SHB: variants seen among roughly 807,000 people sequenced by gnomAD.
SHB encodes SH2 domain containing adaptor protein B.
A neutral mutation model predicts 52.3 loss-of-function variants in SHB; 20 were observed. The observed-to-expected ratio is 0.38, with a 90% CI of 0.27 to 0.56. The LOEUF (loss-of-function observed/expected upper bound fraction) is 0.56. SHB is among the 20% of genes least tolerant of loss of function. The pLI is 0.71. For synonymous variants in SHB, 397 were observed against 316.5 expected, an observed-to-expected ratio of 1.25 and a Z score of -2.70; for missense variants, 825 against 723.3, an observed-to-expected ratio of 1.14 and a Z score of -1.61.
chr9:37,956,371 G>A (rs1281345273), intron 3 of SHB, among the ~76,000 whole-genome samples: 2 of 152,042 alleles, frequency 1.3e-5, no homozygotes, highest in Admixed American at 1.3e-4. Flanking sequence ...CACTGCCTTG[G>A]GGGAACTCTG....
chr9:38,009,457 G>A (rs1821110722), intron 2 of SHB, among the ~76,000 whole-genome samples: 1 of 152,246 alleles, frequency 6.6e-6, no homozygotes, highest in South Asian at 2.1e-4. Flanking sequence ...AGTGAAGGAG[G>A]CAGAATCTGA....
intron 1 of SHB, among the ~76,000 whole-genome samples, chr9:38,064,946 G>C (rs1821941678): frequency 6.6e-6 from 1 of 152,118 alleles, no homozygotes. Context: ...AACACAGAGA[G>C]ACCTCCTCTC....
At chr9:37,981,102 AAG>A (rs1313496844) in intron 2 of SHB, among the ~76,000 whole-genome samples, 2 of 152,176 alleles carry the variant, frequency 1.3e-5, no homozygotes, top group African/African-American at 4.8e-5. Context: ...AGTCCCTAAC[AAG>A]AGAGGCAGCC....
In SHB at chr9:37,982,517, G is replaced by A. The variant is rs913318680; in HGVS notation, c.839-7680C>T. Among the ~76,000 whole-genome samples, 9 of 152,082 alleles carry A rather than the reference G, an allele frequency of 5.9e-5. No individual in the cohort carries two copies. The East Asian group carries it at 1.7e-3, about 30-fold the overall frequency. ...CAAAAAAAATGGATAAGTAGGCCGG[G>A]TGCAGTGGCTCACACCTGTAATCCC... is the stretch of plus-strand genomic sequence containing the variant. On this transcript the variant is annotated intron_variant, in intron 2 of 5. Transcript: ENST00000377707.
chr9:38,047,520 A>G (rs1422193742), intron 1 of SHB, among the ~76,000 whole-genome samples: 1 of 152,240 alleles, frequency 6.6e-6, no homozygotes, highest in East Asian at 1.9e-4. Context: ...AGAGGGGAAA[A>G]CTGCAATCTG....
chr9:37,939,110 A>G (rs1832408210), intron 5 of SHB, among the ~76,000 whole-genome samples: 1 of 151,998 alleles, frequency 6.6e-6, no homozygotes, highest in South Asian at 2.1e-4. Context: ...TATATCACAC[A>G]CCCAGGGCCA....
At chr9:37,969,003 C>T (rs1820563323) in intron 3 of SHB, among the ~76,000 whole-genome samples, 1 of 152,224 alleles carries the variant, frequency 6.6e-6, no homozygotes, top group Non-Finnish European at 1.5e-5. Flanking sequence ...GCACGAACCT[C>T]CAGAACCCAG....
chr9:37,984,978 C>T (rs1358130255), intron 2 of SHB, among the ~76,000 whole-genome samples: 1 of 152,236 alleles, frequency 6.6e-6, no homozygotes, highest in African/African-American at 2.4e-5. Context: ...CGTCACACGG[C>T]AGGAGGCCCC....
chr9:38,004,465 G>A (rs1029817538), intron 2 of SHB, among the ~76,000 whole-genome samples: 6 of 152,208 alleles, frequency 3.9e-5, no homozygotes, highest in Non-Finnish European at 7.4e-5. Context: ...CACCCTCCCA[G>A]GGCTGTGCTG....
In SHB at chr9:37,974,821, T is replaced by C; in HGVS notation, c.855A>G (p.Glu285=). Residue 285 remains glutamate, a synonymous_variant, in exon 3 of 6, where the codon GAA becomes GAG. Coordinates refer to ENST00000377707, the MANE Select transcript of SHB (RefSeq NM_003028.3). ...QRIMTEFQRQ[E]SVRSQHKGIQ... ...TACCTTTATGCTGGGACCGGACACTTTCCTGCCTCTGAAATTCTGCAGGCA... is the reference window on the plus strand; with the variant it reads ...TACCTTTATGCTGGGACCGGACACTCTCCTGCCTCTGAAATTCTGCAGGCA... The C allele has an allele frequency of 6.2e-7, 1 of 1,614,012 alleles. No homozygotes were observed.
intron 5 of SHB, among the ~76,000 whole-genome samples, chr9:37,948,210 C>T (rs2117890149): frequency 6.6e-6 from 1 of 152,264 alleles, no homozygotes. Flanking sequence ...GGTCACAAGT[C>T]CTGGCCCAGC....
intron 1 of SHB, among the ~76,000 whole-genome samples, chr9:38,034,480 C>T (rs1318033312): frequency 3.9e-5 from 6 of 152,220 alleles, no homozygotes; most frequent in Non-Finnish European, 8.8e-5. Flanking sequence ...AGCTCACTAC[C>T]TCCCCAAATA....
At chr9:38,032,159 G>C (rs554576680) in intron 1 of SHB, among the ~76,000 whole-genome samples, 13 of 152,300 alleles carry the variant, frequency 8.5e-5, no homozygotes, top group African/African-American at 2.9e-4. Context: ...GCTTACAGAG[G>C]GGGCACCGCC....
In SHB at chr9:37,967,944, G is replaced by T. The variant is rs1042374886; in HGVS notation, c.1054+6678C>A. 2.0e-5 allele frequency among the ~76,000 whole-genome samples: 3 copies of T among 152,246 alleles called. No individual in the cohort carries two copies. In the East Asian group the frequency reaches 5.8e-4, roughly 29 times the overall value. On this transcript the variant is annotated intron_variant, in intron 3 of 5. Coordinates refer to ENST00000377707, the MANE Select transcript of SHB (RefSeq NM_003028.3). Reference sequence around the variant, plus strand: ...GGGAGGGACTGAGTAAAGAATGGAAGAACCAGGGGACTCGTTAGAACTGTT... The same window carrying T: ...GGGAGGGACTGAGTAAAGAATGGAATAACCAGGGGACTCGTTAGAACTGTT...
rs537646405 is a variant in SHB, at chr9:37,918,045, A to G, written c.*1776T>C. 2.4e-3 allele frequency among the ~76,000 whole-genome samples: 369 copies of G among 152,306 alleles called. No homozygotes were observed. The highest frequency in any genetic ancestry group is 8.5e-3 in the African/African-American group (354 of 41,568). On this transcript the variant is annotated 3_prime_UTR_variant, in exon 6 of 6. Transcript: ENST00000377707. Reference sequence around the variant, plus strand: ...CCTGTGTCTCTGCATGTGAACAGTGAGCTGGAACCACCTCCAAACAGTCTC... The same window carrying G: ...CCTGTGTCTCTGCATGTGAACAGTGGGCTGGAACCACCTCCAAACAGTCTC...
At chr9:37,961,049 C>T (rs1832687665) in intron 3 of SHB, among the ~76,000 whole-genome samples, 1 of 152,188 alleles carries the variant, frequency 6.6e-6, no homozygotes, top group Non-Finnish European at 1.5e-5. Flanking sequence ...CCTGGAATTA[C>T]TGCCCTTCTG....
intron 1 of SHB, among the ~76,000 whole-genome samples, chr9:38,052,854 G>A (rs1301835446): frequency 6.6e-6 from 1 of 152,180 alleles, no homozygotes; most frequent in Non-Finnish European, 1.5e-5. Context: ...CCTCTCCCGG[G>A]ATGTCCTCCT....
In SHB at chr9:37,974,758, T is replaced by A; in HGVS notation, c.918A>T (p.Gln306His). 2 of 1,614,168 alleles carry A rather than the reference T, an allele frequency of 1.2e-6. No individual in the cohort carries two copies. The highest frequency in any genetic ancestry group is 2.2e-5 in the South Asian group (2 of 91,074). The change falls in exon 3 of 6, where the codon CAA becomes CAT. Residue 306 changes from glutamine to histidine, a missense_variant. Physicochemically the swap from Gln to His is conservative, Grantham distance 24. Coordinates refer to ENST00000377707, the MANE Select transcript of SHB (RefSeq NM_003028.3). ...LYDTPYEPEGQSVDSDSESTV... is the reference protein window; with the variant it reads ...LYDTPYEPEGHSVDSDSESTV... ...TGCTCTCCGAGTCTGAGTCAACACT[T>A]TGGCCTTCAGGTTCGTAAGGGGTGT...
intron 1 of SHB, among the ~76,000 whole-genome samples, chr9:38,032,428 A>G (rs932690968): frequency 3.3e-5 from 5 of 152,202 alleles, no homozygotes; most frequent in African/African-American, 1.2e-4. Flanking sequence ...TCTGGGCAAC[A>G]GGAAGAGATC....
Sources: gnomAD v4.1 joint callset for allele counts (sites outside exome capture counted in the v4.1 genomes callset) on GRCh38, gnomAD v4.1.1 for gene constraint, MANE v1.5 for transcripts, NCBI Gene and HGNC (gene_info 2026-07-23, HGNC 2026-07-21) for gene names.